Variants in IL1RAPL1 observed in about 807,000 individuals in gnomAD.
IL1RAPL1 encodes the protein interleukin 1 receptor accessory protein like 1.
A neutral mutation model predicts 48.4 loss-of-function variants in IL1RAPL1; 3 were observed. That is an observed-to-expected ratio of 0.06 (90% CI 0.03 to 0.16). IL1RAPL1 has a LOEUF of 0.16. Among genes scored for constraint, IL1RAPL1 ranks in the 10% least tolerant of loss-of-function variants. IL1RAPL1 has a pLI of 1.00. For synonymous variants in IL1RAPL1, 185 were observed against 187.7 expected (o/e 0.99, Z 0.12); for missense variants, 349 against 530.6 (o/e 0.66, Z 3.36).
intron 6 of IL1RAPL1, among the ~76,000 whole-genome samples, chrX:29,785,163 A>G (rs750072449): frequency 1.2e-4 from 14 of 112,388 alleles, no homozygotes; most frequent in African/African-American, 4.5e-4. Flanking sequence ...TAATTATAGC[A>G]AACTTCCAAC....
chrX:29,012,426 C>T (rs1926145476), intron 2 of IL1RAPL1, among the ~76,000 whole-genome samples: 1 of 111,066 alleles, frequency 9.0e-6, no homozygotes, highest in Non-Finnish European at 1.9e-5. Context: ...CATCTGTAAT[C>T]CCAGTTACTA....
At chrX:28,729,418 A>T (rs1290610082) in intron 1 of IL1RAPL1, among the ~76,000 whole-genome samples, 1 of 111,463 alleles carries the variant, frequency 9.0e-6, no homozygotes, top group Non-Finnish European at 1.9e-5. Flanking sequence ...TATCCAGAGG[A>T]AAGCATAGAA....
rs1930392003 is a variant in IL1RAPL1, at chrX:29,193,658, G to A, written c.83-89280G>A. 3.6e-5 allele frequency among the ~76,000 whole-genome samples: 4 copies of A among 110,720 alleles called. No homozygotes were observed. In the Admixed American group the frequency reaches 3.9e-4, roughly 11 times the overall value. On this transcript the variant is annotated intron_variant, in intron 2 of 10. Transcript: ENST00000378993. Reference sequence around the variant, plus strand: ...TGTCATGATAAAAATGTAGAACAAGGGAGTAATTTTATGATGATGAAATGA... The same window carrying A: ...TGTCATGATAAAAATGTAGAACAAGAGAGTAATTTTATGATGATGAAATGA...
At chrX:29,933,886 G>A (rs751744050) in intron 8 of IL1RAPL1, among the ~76,000 whole-genome samples, 8 of 110,896 alleles carry the variant, frequency 7.2e-5, no homozygotes, top group Non-Finnish European at 1.3e-4. Flanking sequence ...GGTGCCGTAT[G>A]AGCAGAGACT....
At chrX:29,627,311 TTTTTGGTTTTGG>T (rs888236149) in intron 5 of IL1RAPL1, among the ~76,000 whole-genome samples, 1 of 111,461 alleles carries the variant, frequency 9.0e-6, no homozygotes, top group Non-Finnish European at 1.9e-5. Flanking sequence ...ATCGGAAGGG[TTTTTGGTTTTGG>T]TTTTGGTTTT....
Position 29,925,624 on chromosome X carries a change from A to G in IL1RAPL1, c.1057+5530A>G, listed in dbSNP as rs142954837. 9.2e-3 allele frequency among the ~76,000 whole-genome samples: 985 copies of G among 106,671 alleles called. 12 individuals are homozygous for G. Among genetic ancestry groups the G allele is most frequent in the African/African-American group, 0.032 (932 of 29,269 alleles). The allele number at this position is 106,671 out of a possible 115,157, so 92.6% of individuals were successfully genotyped here. On this transcript the variant is annotated intron_variant, in intron 8 of 10. Transcript: ENST00000378993. ...GTAATCATGGCTCACCGCAACCTCG[A>G]ATTCCTGGGTTCAAGCAATCCTCTG...
rs1933411796 is a variant in IL1RAPL1 at position 29,955,922 on chromosome X, AGAATCTCTAGAACAC to A, written c.*105_*119del. ...CTGCTGCTGTTAAAAAACATGCATT[AGAATCTCTAGAACAC>A]GAGGAAAAACAGGGTCTTGTACATA... is the stretch of plus-strand genomic sequence containing the variant. On this transcript the variant is annotated 3_prime_UTR_variant, in exon 11 of 11. Transcript: ENST00000378993. 1 of 642,861 alleles carries A rather than the reference AGAATCTCTAGAACAC, an allele frequency of 1.6e-6. No individual in the cohort carries two copies. Among genetic ancestry groups the A allele is most frequent in the Non-Finnish European group, 2.6e-6 (1 of 388,386 alleles). 53.0% of individuals were successfully genotyped at this position (642,861 alleles called of 1,213,427 possible). A position where few individuals can be genotyped will look rare whatever the true frequency, so the allele number is the denominator to read the frequency against.
At position 29,250,748 on chromosome X, in the gene IL1RAPL1, A is replaced by G. The variant is rs780129339; in HGVS notation, c.83-32190A>G. The stretch of plus-strand genomic sequence containing the variant: ...AACTCCTGTTTGTATCAGCAGTGGT[A>G]CCTTGGCTGTTGTCCAGCGGTTTAA... On this transcript the variant is annotated intron_variant, in intron 2 of 10. Transcript: ENST00000378993. Among the ~76,000 whole-genome samples the G allele has an allele frequency of 1.3e-4, 14 of 111,800 alleles. No individual in the cohort carries two copies. The South Asian group carries it at 4.5e-3, about 36-fold the overall frequency.
intron 1 of IL1RAPL1, among the ~76,000 whole-genome samples, chrX:28,651,761 C>A (rs1934685158): frequency 8.9e-6 from 1 of 111,988 alleles, no homozygotes; most frequent in African/African-American, 3.2e-5. Context: ...TTATGTTGAA[C>A]ATTTCTTTTT....
At chrX:28,712,360 G>GT (rs1051279181) in intron 1 of IL1RAPL1, among the ~76,000 whole-genome samples, 99 of 105,248 alleles carry the variant, frequency 9.4e-4, no homozygotes, top group Admixed American at 2.7e-3. Context: ...GGGTTGGCAG[G>GT]TTTTTTTTTT....
chrX:29,370,872 A>C (rs1037562628), intron 3 of IL1RAPL1, among the ~76,000 whole-genome samples: 1 of 109,893 alleles, frequency 9.1e-6, no homozygotes, highest in African/African-American at 3.3e-5. Context: ...TTGTATTATT[A>C]TTTTTATTTG....
intron 6 of IL1RAPL1, among the ~76,000 whole-genome samples, chrX:29,827,833 A>G (rs1471960379): frequency 8.9e-6 from 1 of 112,626 alleles, no homozygotes; most frequent in Non-Finnish European, 1.9e-5. Flanking sequence ...TAAAGCATTT[A>G]GAGAGATGTG....
intron 2 of IL1RAPL1, among the ~76,000 whole-genome samples, chrX:29,098,501 T>C (rs780796928): frequency 1.9e-4 from 21 of 112,497 alleles, no homozygotes; most frequent in Admixed American, 1.2e-3. Context: ...TGGAAATAAA[T>C]GTTTCATTTC....
intron 5 of IL1RAPL1, among the ~76,000 whole-genome samples, chrX:29,593,235 G>A (rs1360645892): frequency 2.7e-5 from 3 of 111,092 alleles, no homozygotes; most frequent in Non-Finnish European, 5.7e-5. Context: ...CCAGCCCCTC[G>A]TTAGTCAGGC....
At chrX:29,153,359 T>G (rs1929503792) in intron 2 of IL1RAPL1, among the ~76,000 whole-genome samples, 2 of 111,768 alleles carry the variant, frequency 1.8e-5, no homozygotes, top group Non-Finnish European at 3.8e-5. Context: ...TTCAGGAGAT[T>G]AGGACACAGA....
chrX:28,836,236 T>G (rs1921203300), intron 2 of IL1RAPL1, among the ~76,000 whole-genome samples: 1 of 108,044 alleles, frequency 9.3e-6, no homozygotes, highest in Non-Finnish European at 1.9e-5. Context: ...TTCATGTAAG[T>G]GTGTTGAAGG....
chrX:29,705,220 GT>G (rs1457838165), intron 6 of IL1RAPL1, among the ~76,000 whole-genome samples: 2 of 110,941 alleles, frequency 1.8e-5, no homozygotes, highest in African/African-American at 6.6e-5. Flanking sequence ...TTCTTTTTTT[GT>G]TTGTTTGTTT....
intron 6 of IL1RAPL1, among the ~76,000 whole-genome samples, chrX:29,898,536 A>T (rs183686150): frequency 8.9e-6 from 1 of 112,164 alleles, no homozygotes; most frequent in Non-Finnish European, 1.9e-5. Flanking sequence ...GCTGTGTGGA[A>T]GTTGTCAGGG....
chrX:29,725,538 T>G (rs1283861783), intron 6 of IL1RAPL1, among the ~76,000 whole-genome samples: 5 of 111,314 alleles, frequency 4.5e-5, no homozygotes, highest in Non-Finnish European at 9.4e-5. Context: ...TCAGTTAGAT[T>G]CTTCTTAAAT....
Sources: gnomAD v4.1 joint callset for allele counts (sites outside exome capture counted in the v4.1 genomes callset) on GRCh38, gnomAD v4.1.1 for gene constraint, MANE v1.5 for transcripts, NCBI Gene and HGNC (gene_info 2026-07-23, HGNC 2026-07-21) for gene names.